The following NKAIN3 variants were observed in gnomAD, a reference collection of about 807,000 sequenced individuals.
The protein encoded by NKAIN3 is sodium/potassium transporting ATPase interacting 3.
A neutral mutation model predicts 30.2 loss-of-function variants in NKAIN3; 25 were observed. That is an observed-to-expected ratio of 0.83 (90% confidence interval 0.60 to 1.16). The LOEUF is 1.16. NKAIN3 is among the 50% of genes most tolerant of loss of function. The probability of loss-of-function intolerance (pLI) is 0.00; values close to 1 mark genes in which losing one functional copy is unlikely to be tolerated. For synonymous variants in NKAIN3, 91 were observed against 89.6 expected (o/e 1.02, Z -0.09); for missense variants, 225 against 254.1 (o/e 0.89, Z 0.78).
chr8:62,480,102 G>C (rs1806665235), intron 1 of NKAIN3, among the ~76,000 whole-genome samples: 1 of 152,280 alleles, frequency 6.6e-6, no homozygotes, highest in Middle Eastern at 3.4e-3. Context: ...TAGGAATTCA[G>C]TACTTCTTCA....
downstream of NKAIN3, among the ~76,000 whole-genome samples, chr8:62,985,752 GA>G (rs1174435545): frequency 9.6e-3 from 1,316 of 136,780 alleles, 11 homozygotes; most frequent in African/African-American, 0.026. Context: ...ATTCATCACA[GA>G]AAAAAAAAAA....
chr8:62,917,888 C>A (rs1586345509), intron 4 of NKAIN3, among the ~76,000 whole-genome samples: 1 of 152,306 alleles, frequency 6.6e-6, no homozygotes, highest in African/African-American at 2.4e-5. Context: ...AAGTACAAAT[C>A]ATCTCTTCTG....
intron 4 of NKAIN3, among the ~76,000 whole-genome samples, chr8:62,753,910 T>A (rs1309387025): frequency 6.6e-6 from 1 of 152,108 alleles, no homozygotes; most frequent in East Asian, 1.9e-4. Context: ...ATCAACTTGA[T>A]GAATAGAAAG....
intron 1 of NKAIN3, among the ~76,000 whole-genome samples, chr8:62,388,536 A>G (rs192468325): frequency 1.3e-5 from 2 of 152,378 alleles, no homozygotes; most frequent in Admixed American, 1.3e-4. Flanking sequence ...ATTAACTAAA[A>G]TTCACATTTA....
intron 3 of NKAIN3, among the ~76,000 whole-genome samples, chr8:62,664,280 C>T (rs1430834949): frequency 6.6e-6 from 1 of 152,056 alleles, no homozygotes; most frequent in Non-Finnish European, 1.5e-5. Flanking sequence ...GAACAAACTT[C>T]CCAATCTGCT....
chr8:62,330,990 CTCTCTCTCTT>C (rs1290594946), intron 1 of NKAIN3, among the ~76,000 whole-genome samples: 2 of 144,802 alleles, frequency 1.4e-5, no homozygotes, highest in Admixed American at 6.7e-5. Flanking sequence ...AGACTTCTCT[CTCTCTCTCTT>C]TCTCTCTCTC....
At chr8:62,641,710 A>G (rs1187463222) in intron 3 of NKAIN3, among the ~76,000 whole-genome samples, 1 of 152,190 alleles carries the variant, frequency 6.6e-6, no homozygotes, top group African/African-American at 2.4e-5. Flanking sequence ...GGGGTTAGTT[A>G]TCTGAGTAAC....
At chr8:62,786,304 A>G (rs1269834355) in intron 4 of NKAIN3, among the ~76,000 whole-genome samples, 2 of 152,154 alleles carry the variant, frequency 1.3e-5, no homozygotes, top group East Asian at 1.9e-4. Context: ...ACAGTATAGT[A>G]CTGAATTGTT....
chr8:62,955,211 G>A (rs1823389632), intron 6 of NKAIN3, among the ~76,000 whole-genome samples: 1 of 152,142 alleles, frequency 6.6e-6, no homozygotes, highest in Admixed American at 6.5e-5. Context: ...TCAGCACTGT[G>A]CCTGTCACAT....
rs561036298 is a variant in NKAIN3 at position 62,984,377 on chromosome 8, C to G, written c.*18970C>G. 2 of 152,142 alleles carry G rather than the reference C, an allele frequency of 1.3e-5. No individual in the cohort carries two copies. Among genetic ancestry groups the G allele is most frequent in the Non-Finnish European group, 1.5e-5 (1 of 68,022 alleles). The allele number at this position is 152,142 out of a possible 1,614,324, so 9.4% of individuals were successfully genotyped here. A position where few individuals can be genotyped will look rare whatever the true frequency, so the allele number is the denominator to read the frequency against. On this transcript the variant is annotated 3_prime_UTR_variant, in exon 7 of 7. Coordinates refer to ENST00000623646, the MANE Select transcript of NKAIN3 (RefSeq NM_001304533.3). Reference sequence around the variant, plus strand: ...ATGTTTTTAATCTTTAACATTTTTACCAGCAGAAATCATTTTTTTTTTAAA... The same window carrying G: ...ATGTTTTTAATCTTTAACATTTTTAGCAGCAGAAATCATTTTTTTTTTAAA...
chr8:62,768,418 G>A (rs980921128), intron 4 of NKAIN3, among the ~76,000 whole-genome samples: 1 of 152,134 alleles, frequency 6.6e-6, no homozygotes, highest in Non-Finnish European at 1.5e-5. Flanking sequence ...TGTGCTTAAT[G>A]ATAAATTAGG....
At chr8:62,771,132 T>G (rs1016179323) in intron 4 of NKAIN3, among the ~76,000 whole-genome samples, 8 of 152,108 alleles carry the variant, frequency 5.3e-5, no homozygotes, top group African/African-American at 1.4e-4. Context: ...AAATCATGTT[T>G]AAATAATAAA....
intron 1 of NKAIN3, among the ~76,000 whole-genome samples, chr8:62,454,069 G>T (rs947256299): frequency 6.6e-6 from 1 of 151,772 alleles, no homozygotes; most frequent in Non-Finnish European, 1.5e-5. Flanking sequence ...TTATTTTGTA[G>T]ATGGGGAAAC....
chr8:62,278,841 G>A (rs901841280), intron 1 of NKAIN3, among the ~76,000 whole-genome samples: 5 of 152,172 alleles, frequency 3.3e-5, no homozygotes, highest in African/African-American at 7.2e-5. Flanking sequence ...ATAAACACAC[G>A]TATGCATGTG....
chr8:62,597,607 G>T (rs1281837065), intron 3 of NKAIN3, among the ~76,000 whole-genome samples: 6 of 151,814 alleles, frequency 4.0e-5, no homozygotes, highest in Non-Finnish European at 7.4e-5. Flanking sequence ...ACCAATAACT[G>T]ACCAATGGCA....
At chr8:62,996,285 G>A (rs562331297) in intron 5 of NKAIN3, among the ~76,000 whole-genome samples, 6 of 150,416 alleles carry the variant, frequency 4.0e-5, no homozygotes, top group Admixed American at 6.6e-5. Flanking sequence ...GAGAGACAGA[G>A]TGCGCAGGGG....
chr8:62,991,050 C>G (rs778871252), intron 5 of NKAIN3: 6 of 152,164 alleles, frequency 3.9e-5, no homozygotes, highest in Non-Finnish European at 8.8e-5. Context: ...TCAGGAGATG[C>G]CTTCCAATCT....
At chr8:62,366,525 C>T (rs1319032936) in intron 1 of NKAIN3, among the ~76,000 whole-genome samples, 5 of 152,206 alleles carry the variant, frequency 3.3e-5, no homozygotes, top group East Asian at 1.9e-4. Flanking sequence ...TACGCCCAGC[C>T]GCTTCTTTCT....
At chr8:62,549,059 T>C (rs1317593295) in intron 1 of NKAIN3, among the ~76,000 whole-genome samples, 1 of 152,194 alleles carries the variant, frequency 6.6e-6, no homozygotes, top group East Asian at 1.9e-4. Flanking sequence ...GAAGCAAATT[T>C]TGAAAACATT....
Sources: gnomAD v4.1 joint callset for allele counts (sites outside exome capture counted in the v4.1 genomes callset) on GRCh38, gnomAD v4.1.1 for gene constraint, MANE v1.5 for transcripts, NCBI Gene and HGNC (gene_info 2026-07-23, HGNC 2026-07-21) for gene names.